Variants in MDN1 observed in about 807,000 individuals in gnomAD.
MDN1 encodes midasin.
In MDN1, 266 loss-of-function variants were observed where a neutral mutation model predicts 669.2. The observed-to-expected ratio is 0.40, with a 90% CI of 0.36 to 0.44. The LOEUF (loss-of-function observed/expected upper bound fraction) is 0.44, where lower values mean the gene tolerates loss of function less well. MDN1 is among the 20% of genes least tolerant of loss of function. The pLI, the probability that MDN1 is intolerant of heterozygous loss-of-function variation, is 1.00. For missense variants in MDN1, 5,940 were observed against 6,754.0 expected (o/e 0.88, Z 4.22); for synonymous variants, 2,385 against 2,457.1 (o/e 0.97, Z 0.87).
At chr6:89,708,446 C>A (rs756392044) in intron 51 of MDN1, 50 bp downstream of exon 51, 3 of 1,599,670 alleles carry the variant, frequency 1.9e-6, no homozygotes, top group Non-Finnish European at 2.6e-6. Flanking sequence ...AAGGTATAAT[C>A]CGAGAAGCCA....
In MDN1 at chr6:89,644,100, A is replaced by G. The variant is rs1187893702; in HGVS notation, c.16696T>C (p.Tyr5566His). Residue 5566 changes from tyrosine to histidine, a missense_variant, in exon 102 of 102, where the codon TAT becomes CAT. This residue lies in a region of MDN1 where 2,280 missense variants were observed against 2,576.3 expected (regional missense o/e 0.88). Transcript: ENST00000369393. Reference sequence around the variant, plus strand: ...GCGTTTACATCTCGAAGAATGATATAGTATGGGAATGGGAACTCTTCCATG... The same window carrying G: ...GCGTTTACATCTCGAAGAATGATATGGTATGGGAATGGGAACTCTTCCATG... ...SYMEEFPFPYYIILRDVNALP... is the reference protein window; with the variant it reads ...SYMEEFPFPYHIILRDVNALP... 6.2e-7 allele frequency: 1 copy of G among 1,614,132 alleles called. No homozygotes were observed. The highest frequency in any genetic ancestry group is 8.5e-7 in the Non-Finnish European group (1 of 1,180,006).
In MDN1 at chr6:89,747,385, CTG is replaced by C; in HGVS notation, c.3846_3847del (p.Tyr1282Ter). On this transcript the variant is annotated stop_gained and frameshift_variant, in exon 27 of 102. Transcript: ENST00000369393. LOFTEE classifies it high-confidence loss of function. ...CTCCTTCTCGGTCGGCTCAGCCAATCTGTATCTTTCAGCCCATCGGAACAGAT... is the reference window on the plus strand; with the variant it reads ...CTCCTTCTCGGTCGGCTCAGCCAATCTATCTTTCAGCCCATCGGAACAGAT... The C allele has an allele frequency of 1.2e-6, 2 of 1,614,134 alleles. No individual in the cohort carries two copies. The highest frequency in any genetic ancestry group is 1.7e-6 in the Non-Finnish European group (2 of 1,180,028).
Position 89,727,974 on chromosome 6 carries a change from T to C in MDN1, c.5350-19A>G, listed in dbSNP as rs1265229696. The stretch of plus-strand genomic sequence containing the variant: ...TGATGTCCTTTGAAAGGGGAAGAAA[T>C]GGAAAGAAGCCATTATTACTTTAAA... On this transcript the variant is annotated intron_variant, in intron 36 of 101. Transcript: ENST00000369393. 9 of 1,590,812 alleles carry C rather than the reference T, an allele frequency of 5.7e-6. No homozygotes were observed. The African/African-American group carries it at 1.1e-4, about 19-fold the overall frequency.
Position 89,658,822 on chromosome 6 carries a change from T to C in MDN1, c.14809A>G (p.Ser4937Gly). The stretch of plus-strand genomic sequence containing the variant: ...GGGCCTTCCTCAGGCTCCTGTGGAC[T>C]CTGACTTTCGTTCTGGTCGGTCTCG... ...ETETDQNESQ[S>G]PQEPEEGPSE... The change falls in exon 89 of 102, where the codon AGT becomes GGT. Residue 4937 changes from serine to glycine, a missense_variant. Around this residue, in one of 5 missense-constraint regions of MDN1, gnomAD observed 2,280 missense variants for 2,576.3 expected, o/e 0.88. Transcript: ENST00000369393. 1 of 1,614,220 alleles carries C rather than the reference T, an allele frequency of 6.2e-7. No homozygotes were observed. The highest frequency in any genetic ancestry group is 8.5e-7 in the Non-Finnish European group (1 of 1,180,036).
chr6:89,772,263 T>C (rs1315665359), intron 14 of MDN1, among the ~76,000 whole-genome samples: 1 of 152,054 alleles, frequency 6.6e-6, no homozygotes, highest in East Asian at 1.9e-4. Context: ...TCAGCAACAG[T>C]GCGACCCTGT....
intron 36 of MDN1, among the ~76,000 whole-genome samples, 168 bp from the exon 37 acceptor site, chr6:89,728,123 A>G (rs895904198): frequency 4.6e-5 from 7 of 152,134 alleles, no homozygotes; most frequent in Non-Finnish European, 1.0e-4. Context: ...AGGAGCCCAA[A>G]CATGCCCCCA....
At chr6:89,649,999 C>T (rs1246768315) in intron 97 of MDN1, 25 bp downstream of exon 97, 10 of 1,612,294 alleles carry the variant, frequency 6.2e-6, no homozygotes, top group Non-Finnish European at 8.5e-6. Flanking sequence ...TCCTATCAAA[C>T]TGCCACTGCA....
rs1044373090 is a variant in MDN1 at position 89,738,189 on chromosome 6, T to C, written c.4723+137A>G. 3 of 953,332 alleles carry C rather than the reference T, an allele frequency of 3.1e-6. No individual in the cohort carries two copies. The East Asian group carries it at 7.6e-5, about 24-fold the overall frequency. 59.1% of individuals were successfully genotyped at this position (953,332 alleles called of 1,614,324 possible). A position where few individuals can be genotyped will look rare whatever the true frequency, so the allele number is the denominator to read the frequency against. On this transcript the variant is annotated intron_variant, in intron 33 of 101. Transcript: ENST00000369393. Reference sequence around the variant, plus strand: ...ATAGTAATATTCTCCTTGTCTACTTTGTTTCATTTACCTATCTCCTTTCTT... The same window carrying C: ...ATAGTAATATTCTCCTTGTCTACTTCGTTTCATTTACCTATCTCCTTTCTT...
intron 40 of MDN1, among the ~76,000 whole-genome samples, chr6:89,720,092 C>G (rs1342883986): frequency 6.6e-6 from 1 of 151,470 alleles, no homozygotes. Flanking sequence ...TAATTGAATA[C>G]TACAATGAAG....
intron 2 of MDN1, among the ~76,000 whole-genome samples, 189 bp from the exon 3 acceptor site, chr6:89,794,990 A>T (rs1246067374): frequency 2.0e-5 from 3 of 152,220 alleles, no homozygotes; most frequent in Non-Finnish European, 2.9e-5. Flanking sequence ...ACCAAACCAC[A>T]AAACAGAACT....
chr6:89,701,612 G>A lies in MDN1; in HGVS notation c.8373C>T (p.Gly2791=), dbSNP rs1813166920. The A allele has an allele frequency of 6.2e-7, 1 of 1,614,148 alleles. No individual in the cohort carries two copies. The highest frequency in any genetic ancestry group is 1.1e-5 in the South Asian group (1 of 91,082). ...TCTGCAACTTCTTTATACCAGCGAA[G>A]CCACCAGTCTGGCTCCCCAGACAAT... ...IQNCLGSQTG[G]FAGIKKLQKF... Residue 2791 remains glycine, a synonymous_variant, in exon 55 of 102, where the codon GGC becomes GGT. Transcript: ENST00000369393.
rs1812190620 is a variant in MDN1, at chr6:89,688,796, T to G, written c.11036A>C (p.Asn3679Thr). ...HFYPLMGVELNDRLLGSQLLA... is the reference protein window; with the variant it reads ...HFYPLMGVELTDRLLGSQLLA... ...AAGTTGGCTGCCCAAGAGTCGGTCA[T>G]TCAGTTCAACTCCTGTGAAGTTAAC... Residue 3679 changes from asparagine to threonine, a missense_variant, in exon 66 of 102, where the codon AAT (asparagine) becomes ACT (threonine). Around this residue, in one of 5 missense-constraint regions of MDN1, gnomAD observed 2,280 missense variants for 2,576.3 expected, o/e 0.88. Coordinates refer to ENST00000369393, the MANE Select transcript of MDN1 (RefSeq NM_014611.3). 6.2e-7 allele frequency: 1 copy of G among 1,614,024 alleles called. No homozygotes were observed. The highest frequency in any genetic ancestry group is 1.1e-5 in the South Asian group (1 of 91,068).
At chr6:89,783,201 A>C (rs939870932) in intron 9 of MDN1, among the ~76,000 whole-genome samples, 5 of 152,208 alleles carry the variant, frequency 3.3e-5, no homozygotes, top group African/African-American at 1.2e-4. Flanking sequence ...CAGATGTGCA[A>C]GTAGGGAAGA....
chr6:89,681,791 T>C lies in MDN1; in HGVS notation c.12103-1040A>G, dbSNP rs190101431. ...TGTGAGCCCCAGGTAGGAAATACAG[T>C]AAGAAGACAAAGCTAATTACTCTTT... On this transcript the variant is annotated intron_variant, in intron 73 of 101. Transcript: ENST00000369393. 4.7e-4 allele frequency among the ~76,000 whole-genome samples: 71 copies of C among 152,270 alleles called. 1 individual carries two copies. Among genetic ancestry groups the C allele is most frequent in the South Asian group, 2.7e-3 (13 of 4,826 alleles).
chr6:89,730,936 G>C lies in MDN1; in HGVS notation c.4943-13C>G, dbSNP rs1007282790. 3 of 1,611,804 alleles carry C rather than the reference G, an allele frequency of 1.9e-6. No homozygotes were observed. In the African/African-American group the frequency reaches 4.0e-5, roughly 22 times the overall value. On this transcript the variant is annotated splice_polypyrimidine_tract_variant and intron_variant, in intron 34 of 101. Transcript: ENST00000369393. Reference sequence around the variant, plus strand: ...GAGGAAGTTACCCCTAAAAGACAGAGGATCAGTCCATGAAGCAACAGTACA... The same window carrying C: ...GAGGAAGTTACCCCTAAAAGACAGACGATCAGTCCATGAAGCAACAGTACA...
At chr6:89,659,584 T>C (rs1809569345) in intron 88 of MDN1, among the ~76,000 whole-genome samples, 2 of 152,180 alleles carry the variant, frequency 1.3e-5, no homozygotes, top group South Asian at 4.1e-4. Context: ...TACTCATACA[T>C]ACAGTTGTTT....
Position 89,790,345 on chromosome 6 carries a change from C to T in MDN1, c.912G>A (p.Leu304=). 6.2e-7 allele frequency: 1 copy of T among 1,614,102 alleles called. No homozygotes were observed. The highest frequency in any genetic ancestry group is 1.1e-5 in the South Asian group (1 of 91,078). ...EQELALRSYV[L]VESVCKSLQT... ...GAAGACTTTTGCAGACAGACTCAAC[C>T]AGCACATAAGACCTAAGGGCCAGCT... Residue 304 remains leucine (L), a synonymous_variant, in exon 6 of 102, where the codon CTG becomes CTA. Transcript: ENST00000369393.
intron 14 of MDN1, 140 bp from the exon 15 acceptor site, chr6:89,771,761 T>C (rs1442025420): frequency 1.4e-6 from 1 of 692,126 alleles, no homozygotes. Flanking sequence ...CAGGGTGGAG[T>C]GCAGTGGCCC....
chr6:89,657,006 A>G (rs1809360544), intron 90 of MDN1, among the ~76,000 whole-genome samples: 1 of 152,174 alleles, frequency 6.6e-6, no homozygotes, highest in Non-Finnish European at 1.5e-5. Flanking sequence ...TACAGACCTT[A>G]TGTTAACCTC....
Sources: allele counts gnomAD v4.1 joint callset (sites outside exome capture counted in the v4.1 genomes callset), GRCh38; gene constraint gnomAD v4.1.1; regional missense constraint gnomAD v4.1.1; transcripts MANE v1.5; gene names NCBI Gene and HGNC (gene_info 2026-07-23, HGNC 2026-07-21).